Variants in ABR observed in about 807,000 individuals in gnomAD.
ABR encodes the protein ABR activator of RhoGEF and GTPase, also known as active breakpoint cluster region-related protein.
Under a neutral mutation model 107.2 loss-of-function variants are expected in ABR, and 35 were observed. The ratio of observed to expected loss-of-function variants is 0.33; its 90% CI spans 0.25 to 0.43. The LOEUF (loss-of-function observed/expected upper bound fraction) is 0.43. ABR is among the 20% of genes least tolerant of loss of function. The pLI is 1.00. For missense variants in ABR, 815 were observed against 1,115.2 expected (o/e 0.73, Z 3.83); for synonymous variants, 498 against 462.0 (o/e 1.08, Z -1.00).
intron 2 of ABR, among the ~76,000 whole-genome samples, chr17:1,123,986 C>T (rs1057303688): frequency 7.2e-5 from 11 of 152,226 alleles, no homozygotes; most frequent in Non-Finnish European, 1.0e-4. Context: ...ACCTGCCCCC[C>T]GCCAGCCCTT....
rs568343986 is a variant in ABR at position 1,061,780 on chromosome 17, C to A, written c.1183-2913G>T. 2.6e-5 allele frequency among the ~76,000 whole-genome samples: 4 copies of A among 152,282 alleles called. No homozygotes were observed. The South Asian group carries it at 8.3e-4, about 32-fold the overall frequency. ...CAGGCTGGTCTTGAACTCCTGGCCT[C>A]AAGTGACCCACCCGTCTCAGCCTCC... On this transcript the variant is annotated intron_variant, in intron 10 of 22. Coordinates refer to ENST00000302538, the MANE Select transcript of ABR (RefSeq NM_021962.5).
In ABR at chr17:1,073,688, A is replaced by G; in HGVS notation, c.701-11T>C. 1 of 1,599,034 alleles carries G rather than the reference A, an allele frequency of 6.3e-7. No individual in the cohort carries two copies. The highest frequency in any genetic ancestry group is 8.5e-7 in the Non-Finnish European group (1 of 1,170,906). ...GCTTGTAGAGCAGAGCTGTCGGGGGAGACAGGGAGAAGGAGGAAGAGGATG... is the reference window on the plus strand; with the variant it reads ...GCTTGTAGAGCAGAGCTGTCGGGGGGGACAGGGAGAAGGAGGAAGAGGATG... On this transcript the variant is annotated splice_polypyrimidine_tract_variant and intron_variant, in intron 6 of 22. Coordinates refer to ENST00000302538, the MANE Select transcript of ABR (RefSeq NM_021962.5).
rs192074096 is a variant in ABR, at chr17:1,077,204, A to G, written c.700+2126T>C. Among the ~76,000 whole-genome samples, 230 of 152,246 alleles carry G rather than the reference A, an allele frequency of 1.5e-3. 2 individuals are homozygous for G. The highest frequency in any genetic ancestry group is 5.2e-3 in the African/African-American group (216 of 41,554). On this transcript the variant is annotated intron_variant, in intron 6 of 22. Transcript: ENST00000302538. ...AGGCAGCACCTGTAAAACCTCAATGAACCACAGGAGCGTTCTTGGAAAGAG... is the reference window on the plus strand; with the variant it reads ...AGGCAGCACCTGTAAAACCTCAATGGACCACAGGAGCGTTCTTGGAAAGAG...
chr17:1,010,954 C>A lies in ABR; in HGVS notation c.2102-91G>T. 1 of 1,533,660 alleles carries A rather than the reference C, an allele frequency of 6.5e-7. No individual in the cohort carries two copies. Among genetic ancestry groups the A allele is most frequent in the Non-Finnish European group, 8.9e-7 (1 of 1,127,432 alleles). On this transcript the variant is annotated intron_variant, in intron 19 of 22. Transcript: ENST00000302538. The surrounding 1 kb of genome is among the most constrained non-coding windows in gnomAD (Gnocchi z 4.1). ...CATCCTGACACAGCCCCCACCCACT[C>A]CAGCTCTGGTTCTGGTCTCCCCTGG...
At chr17:1,021,529 G>C (rs2071632476) in intron 16 of ABR, among the ~76,000 whole-genome samples, 1 of 152,270 alleles carries the variant, frequency 6.6e-6, no homozygotes, top group Non-Finnish European at 1.5e-5. Context: ...TCTTCAGCCA[G>C]GTGCGGTGGC....
At chr17:1,019,187 T>TGACCCAGGACTGCACCTCC (rs1457888645) in intron 16 of ABR, among the ~76,000 whole-genome samples, 4 of 152,176 alleles carry the variant, frequency 2.6e-5, no homozygotes, top group African/African-American at 9.7e-5. Context: ...TGGGCACATC[T>TGACCCAGGACTGCACCTCC]GACCCAGGAC....
In ABR at chr17:1,037,280, C is replaced by T. The variant is rs2073269107; in HGVS notation, c.1791+12770G>A. On this transcript the variant is annotated intron_variant, in intron 16 of 22. Transcript: ENST00000302538. This position sits in a 1 kb window ranked among gnomAD's most constrained non-coding sequence, Gnocchi z 4.6. ...GCTGTCCTCCCAACTCCCCAAAGGC[C>T]TGTGCCGGCTCATAGGGCAGTCCCG... Among the ~76,000 whole-genome samples the T allele has an allele frequency of 6.6e-6, 1 of 152,244 alleles. No homozygotes were observed. Among genetic ancestry groups the T allele is most frequent in the Non-Finnish European group, 1.5e-5 (1 of 68,046 alleles).
At chr17:1,129,641 C>G (rs2039741826) in intron 1 of ABR, among the ~76,000 whole-genome samples, 1 of 152,072 alleles carries the variant, frequency 6.6e-6, no homozygotes, top group Non-Finnish European at 1.5e-5. Flanking sequence ...CTGCAACTTA[C>G]TCCGAAATAC....
intron 1 of ABR, among the ~76,000 whole-genome samples, chr17:1,224,094 C>T (rs959557004): frequency 1.3e-5 from 2 of 152,132 alleles, no homozygotes; most frequent in African/African-American, 2.4e-5. Flanking sequence ...CTGTCAGAGA[C>T]GGAGGCTTGG....
At chr17:1,221,644 G>A (rs1294004972) in intron 1 of ABR, among the ~76,000 whole-genome samples, 3 of 152,194 alleles carry the variant, frequency 2.0e-5, no homozygotes, top group African/African-American at 7.2e-5. Flanking sequence ...GGAGGGGTTG[G>A]TTTGGGGGCT....
intron 1 of ABR, among the ~76,000 whole-genome samples, chr17:1,167,583 C>T (rs1019921744): frequency 1.3e-5 from 2 of 152,166 alleles, no homozygotes; most frequent in African/African-American, 4.8e-5. Flanking sequence ...TGGCATTGGG[C>T]GCTTCTGGCA....
At chr17:1,093,834 G>A (rs2037203176) in intron 3 of ABR, among the ~76,000 whole-genome samples, 1 of 152,180 alleles carries the variant, frequency 6.6e-6, no homozygotes, top group South Asian at 2.1e-4. Flanking sequence ...TTCACTGGAA[G>A]AAGTCGTCTC....
In ABR at chr17:1,021,357, C is replaced by T. The variant is rs530969014; in HGVS notation, c.1792-8193G>A. Among the ~76,000 whole-genome samples the T allele has an allele frequency of 1.8e-4, 27 of 152,334 alleles. No individual in the cohort carries two copies. The East Asian group carries it at 1.9e-3, about 11-fold the overall frequency. ...TCCCACCGCCCAGGAGCTGACCCCC[C>T]GAGGAGCCCTGCCTCCAGGCACAGC... is the stretch of plus-strand genomic sequence containing the variant. On this transcript the variant is annotated intron_variant, in intron 16 of 22. Coordinates refer to ENST00000302538, the MANE Select transcript of ABR (RefSeq NM_021962.5).
chr17:1,203,397 C>CT lies in ABR; in HGVS notation c.838+25395_838+25396insA, dbSNP rs1290544283. On this transcript the variant is annotated intron_variant, in intron 1 of 22. Transcript: ENST00000574139. ...GGGCGGGGCCTTGAGGGGGCGGGGC[C>CT]CGCGGGGGGCGGAGTCTGCGGGGGC... 1.4e-3 allele frequency among the ~76,000 whole-genome samples: 46 copies of CT among 33,352 alleles called. 5 individuals are homozygous for CT. Among genetic ancestry groups the CT allele is most frequent in the East Asian group, 2.8e-3 (6 of 2,110 alleles). 21.9% of individuals were successfully genotyped at this position (33,352 alleles called of 152,430 possible).
rs1386221968 is a variant in ABR at position 1,179,460 on chromosome 17, C to T, written c.61+207G>A. Among the ~76,000 whole-genome samples, 3 of 151,712 alleles carry T rather than the reference C, an allele frequency of 2.0e-5. No homozygotes were observed. Among genetic ancestry groups the T allele is most frequent in the Admixed American group, 2.0e-4 (3 of 15,248 alleles). ...CCCGCCCGCGCCCCCCAGACCAGCCCGGCTCCTGGGTCCCGACCCCGATCC... is the reference window on the plus strand; with the variant it reads ...CCCGCCCGCGCCCCCCAGACCAGCCTGGCTCCTGGGTCCCGACCCCGATCC... On this transcript the variant is annotated intron_variant, in intron 1 of 22. Coordinates refer to ENST00000302538, the MANE Select transcript of ABR (RefSeq NM_021962.5). This position sits in a 1 kb window ranked among gnomAD's most constrained non-coding sequence, Gnocchi z 4.9.
chr17:1,195,586 C>CCT (rs1183875174), intron 1 of ABR, among the ~76,000 whole-genome samples: 12 of 149,848 alleles, frequency 8.0e-5, no homozygotes, highest in East Asian at 2.1e-4. Context: ...GGGTGGATCA[C>CCT]GAGGTCAGGA....
At chr17:1,032,175 C>CG (rs1000951830) in intron 16 of ABR, among the ~76,000 whole-genome samples, 50 of 152,216 alleles carry the variant, frequency 3.3e-4, no homozygotes, top group African/African-American at 1.2e-3. Context: ...GGGGGCCAGG[C>CG]GGGGGCTGCA....
At chr17:1,185,654 T>TAAAATAAAATAA (rs2042266236) in intron 1 of ABR, among the ~76,000 whole-genome samples, 2 of 39,360 alleles carry the variant, frequency 5.1e-5, no homozygotes, top group African/African-American at 1.9e-4. Context: ...CAGAAAGAAA[T>TAAAATAAAATAA]AAAAAAAAAA....
chr17:1,034,924 G>T (rs1318343260), intron 16 of ABR, among the ~76,000 whole-genome samples: 2 of 152,062 alleles, frequency 1.3e-5, no homozygotes, highest in African/African-American at 4.8e-5. Context: ...TCTGTCTTAG[G>T]TACCACAGGC....
Sources: gnomAD v4.1 joint callset for allele counts (sites outside exome capture counted in the v4.1 genomes callset) on GRCh38, gnomAD v4.1.1 for gene constraint, Gnocchi (gnomAD v3.1) non-coding constraint, MANE v1.5 for transcripts, NCBI Gene and HGNC (gene_info 2026-07-23, HGNC 2026-07-21) for gene names.